Variants in LPP observed in about 807,000 individuals in gnomAD.
LPP encodes LIM domain containing preferred translocation partner in lipoma, also known as lipoma-preferred partner.
In LPP, 38 loss-of-function variants were observed where a neutral mutation model predicts 60.4. The observed-to-expected ratio is 0.63, with a 90% confidence interval of 0.49 to 0.83. LPP has a LOEUF of 0.83. Ranked by LOEUF, LPP falls within the 40% of genes least tolerant of loss-of-function variation. The probability of loss-of-function intolerance (pLI) is 0.00; values close to 1 mark genes in which losing one functional copy is unlikely to be tolerated. For synonymous variants in LPP, 328 were observed against 290.8 expected, an observed-to-expected ratio of 1.13 and a Z score of -1.30; for missense variants, 902 against 783.6, an observed-to-expected ratio of 1.15 and a Z score of -1.80.
At chr3:188,439,683 C>T (rs758156286) in intron 4 of LPP, among the ~76,000 whole-genome samples, 4 of 152,156 alleles carry the variant, frequency 2.6e-5, no homozygotes, top group Non-Finnish European at 5.9e-5. Flanking sequence ...TTAACTTGTT[C>T]AACATATAAC....
chr3:188,726,530 C>T (rs1404798457), intron 8 of LPP, among the ~76,000 whole-genome samples: 9 of 152,008 alleles, frequency 5.9e-5, no homozygotes, highest in Admixed American at 4.6e-4. Context: ...AATGATGACA[C>T]ATAAATAAAA....
At chr3:188,635,503 A>C (rs1848562516) in intron 7 of LPP, among the ~76,000 whole-genome samples, 1 of 152,178 alleles carries the variant, frequency 6.6e-6, no homozygotes, top group African/African-American at 2.4e-5. Context: ...AGGCGTTCCG[A>C]ACCATGTGAG....
intron 1 of LPP, among the ~76,000 whole-genome samples, chr3:188,165,517 G>A (rs1160148212): frequency 6.6e-6 from 1 of 152,168 alleles, no homozygotes; most frequent in East Asian, 1.9e-4. Context: ...AGAGGCTGTG[G>A]AGATGGGTTA....
intron 9 of LPP, among the ~76,000 whole-genome samples, chr3:188,831,448 C>T (rs1173267712): frequency 2.0e-5 from 3 of 152,246 alleles, no homozygotes; most frequent in East Asian, 1.9e-4. Context: ...CAGGTCTCAG[C>T]CCAGTCCCAC....
chr3:188,522,815 A>G (rs28660424), intron 5 of LPP, among the ~76,000 whole-genome samples: 23,311 of 136,460 alleles, frequency 0.17, 2,253 homozygotes, highest in Middle Eastern at 0.28. Context: ...ATATATATAT[A>G]TGTGTATGTG....
At chr3:188,350,057 A>C (rs1765429216) in intron 3 of LPP, among the ~76,000 whole-genome samples, 1 of 152,144 alleles carries the variant, frequency 6.6e-6, no homozygotes, top group Non-Finnish European at 1.5e-5. Flanking sequence ...CACACTTCTG[A>C]GCTTGTCAGA....
intron 9 of LPP, among the ~76,000 whole-genome samples, chr3:188,840,170 G>A (rs780798322): frequency 6.1e-4 from 93 of 152,158 alleles, no homozygotes; most frequent in Non-Finnish European, 1.1e-3. Flanking sequence ...AGAAACCCAC[G>A]ATTTCTTTCT....
intron 5 of LPP, among the ~76,000 whole-genome samples, chr3:188,513,548 T>C (rs1398224618): frequency 2.0e-5 from 3 of 152,170 alleles, no homozygotes; most frequent in Non-Finnish European, 2.9e-5. Context: ...GATGAATAGA[T>C]AATATATGTA....
intron 3 of LPP, among the ~76,000 whole-genome samples, chr3:188,376,231 C>T (rs1775036641): frequency 6.6e-6 from 1 of 151,618 alleles, no homozygotes; most frequent in South Asian, 2.1e-4. Context: ...CTGCTTGGTG[C>T]AGAGCTGAGT....
chr3:188,749,209 C>A (rs1727268099), intron 8 of LPP, among the ~76,000 whole-genome samples: 1 of 152,162 alleles, frequency 6.6e-6, no homozygotes, highest in African/African-American at 2.4e-5. Flanking sequence ...ACAGCGCCTA[C>A]TAGTGGGAAG....
intron 3 of LPP, among the ~76,000 whole-genome samples, chr3:188,386,025 A>G (rs1778172322): frequency 6.6e-6 from 1 of 152,098 alleles, no homozygotes; most frequent in South Asian, 2.1e-4. Context: ...TAATTTTATC[A>G]TGATTTGAAT....
chr3:188,662,512 G>A (rs1328352559), intron 7 of LPP, among the ~76,000 whole-genome samples: 1 of 152,152 alleles, frequency 6.6e-6, no homozygotes, highest in African/African-American at 2.4e-5. Flanking sequence ...TAGAAAGGCA[G>A]AGTAGAAAAA....
chr3:188,545,133 T>C (rs1180218338), intron 6 of LPP, among the ~76,000 whole-genome samples: 23 of 110,258 alleles, frequency 2.1e-4, no homozygotes, highest in Admixed American at 1.9e-3. Context: ...AGGGATAGCA[T>C]TGGGAGATAT....
At chr3:188,443,644 A>G (rs567791122) in intron 4 of LPP, among the ~76,000 whole-genome samples, 1 of 152,290 alleles carries the variant, frequency 6.6e-6, no homozygotes, top group African/African-American at 2.4e-5. Flanking sequence ...CAGCTTCCAA[A>G]CGACTTTTGC....
intron 2 of LPP, among the ~76,000 whole-genome samples, chr3:188,242,396 A>G (rs2149480287): frequency 6.6e-6 from 1 of 151,962 alleles, no homozygotes; most frequent in South Asian, 2.1e-4. Context: ...AGAGAGAGAG[A>G]GAGAAGGAAA....
At chr3:188,297,014 C>A (rs942077705) in intron 2 of LPP, among the ~76,000 whole-genome samples, 11 of 152,200 alleles carry the variant, frequency 7.2e-5, no homozygotes, top group African/African-American at 2.7e-4. Context: ...GCCCCACACT[C>A]TTCCCAAATG....
chr3:188,556,883 C>T (rs985121457), intron 6 of LPP, among the ~76,000 whole-genome samples: 4 of 151,964 alleles, frequency 2.6e-5, no homozygotes, highest in African/African-American at 7.3e-5. Flanking sequence ...ACTGGAATTA[C>T]CTATAAATAA....
At chr3:188,511,871 G>C (rs944564790) in intron 5 of LPP, among the ~76,000 whole-genome samples, 1 of 152,152 alleles carries the variant, frequency 6.6e-6, no homozygotes, top group Non-Finnish European at 1.5e-5. Context: ...TATGTCCCAG[G>C]CTGTGTGCAG....
intron 9 of LPP, among the ~76,000 whole-genome samples, chr3:188,853,958 A>G (rs1463951745): frequency 2.0e-5 from 3 of 152,198 alleles, no homozygotes; most frequent in Non-Finnish European, 4.4e-5. Context: ...TGAGAAATTC[A>G]TACCTTTTTC....
Sources: gnomAD v4.1 joint callset for allele counts (sites outside exome capture counted in the v4.1 genomes callset) on GRCh38, gnomAD v4.1.1 for gene constraint, MANE v1.5 for transcripts, NCBI Gene and HGNC (gene_info 2026-07-23, HGNC 2026-07-21) for gene names.